Variants in TTLL5 observed in about 807,000 individuals in gnomAD.
The protein encoded by TTLL5 is tubulin polyglutamylase TTLL5.
Under a neutral mutation model 168.4 loss-of-function variants are expected in TTLL5, and 132 were observed. That is an observed-to-expected ratio of 0.78 (90% CI 0.68 to 0.91). The LOEUF (loss-of-function observed/expected upper bound fraction) is 0.91. Among genes scored for constraint, TTLL5 ranks in the 40% least tolerant of loss-of-function variants. TTLL5 has a pLI of 0.00. For missense variants in TTLL5, 1,545 were observed against 1,581.5 expected (o/e 0.98, Z 0.39); for synonymous variants, 546 against 558.6 (o/e 0.98, Z 0.32).
At chr14:75,703,812 C>T (rs1886452804) in intron 7 of TTLL5, among the ~76,000 whole-genome samples, 4 of 152,084 alleles carry the variant, frequency 2.6e-5, no homozygotes, top group Admixed American at 1.3e-4. Context: ...TTTCTCATTG[C>T]TCAACAAGTA....
intron 27 of TTLL5, among the ~76,000 whole-genome samples, chr14:75,819,644 C>G (rs1416147961): frequency 6.6e-6 from 1 of 152,170 alleles, no homozygotes; most frequent in East Asian, 1.9e-4. Flanking sequence ...GCATTTAGAA[C>G]ATTCAGATGA....
chr14:75,718,058 T>C, intron 10 of TTLL5, 96 bp downstream of exon 10: 3 of 1,007,772 alleles, frequency 3.0e-6, no homozygotes, highest in Non-Finnish European at 4.6e-6. Flanking sequence ...GAGGACAACT[T>C]TACATTAATG....
At chr14:75,919,527 G>A (rs992940048) in intron 31 of TTLL5, among the ~76,000 whole-genome samples, 2 of 152,182 alleles carry the variant, frequency 1.3e-5, no homozygotes, top group African/African-American at 4.8e-5. Context: ...AGACTATTCA[G>A]CGGAATAGTC....
chr14:75,739,045 G>C (rs1439599572), intron 15 of TTLL5, among the ~76,000 whole-genome samples: 1 of 152,098 alleles, frequency 6.6e-6, no homozygotes, highest in Non-Finnish European at 1.5e-5. Context: ...GAGCTCAAGC[G>C]ATCTGCCTGC....
intron 12 of TTLL5, among the ~76,000 whole-genome samples, chr14:75,721,860 G>T (rs1050982023): frequency 1.3e-5 from 2 of 152,124 alleles, no homozygotes; most frequent in Non-Finnish European, 2.9e-5. Context: ...GTAAACAAAG[G>T]GAATTGTTGA....
At position 75,790,227 on chromosome 14, in the gene TTLL5, A is replaced by G. The variant is rs1892618268; in HGVS notation, c.2987-2689A>G. 8.5e-5 allele frequency among the ~76,000 whole-genome samples: 13 copies of G among 152,328 alleles called. No individual in the cohort carries two copies. In the South Asian group the frequency reaches 2.7e-3, roughly 32 times the overall value. On this transcript the variant is annotated intron_variant, in intron 26 of 31. Transcript: ENST00000298832. ...TAAAACTTCCATACTGAAATAAAAT[A>G]ATAAAATAAAGGAGACCATCATTAA... is the stretch of plus-strand genomic sequence containing the variant.
At position 75,947,485 on chromosome 14, in the gene TTLL5, G is replaced by T. The variant is rs569904906; in HGVS notation, c.3824-6939G>T. ...ACTTACTTTAACTAGTATATTTAAT[G>T]TTTTTTTCATTTAATAAATACATAT... On this transcript the variant is annotated intron_variant, in intron 31 of 31. Transcript: ENST00000298832. Among the ~76,000 whole-genome samples the T allele has an allele frequency of 1.6e-4, 24 of 152,134 alleles. No homozygotes were observed. The East Asian group carries it at 4.0e-3, about 26-fold the overall frequency.
intron 2 of TTLL5, 102 bp downstream of exon 2, chr14:75,663,325 C>G (rs1890874984): frequency 2.7e-6 from 3 of 1,110,916 alleles, no homozygotes; most frequent in Middle Eastern, 2.9e-4. Flanking sequence ...TACTTATGTA[C>G]TCTTTTATCT....
intron 18 of TTLL5, among the ~76,000 whole-genome samples, chr14:75,760,982 C>T (rs1425753980): frequency 2.6e-5 from 4 of 152,040 alleles, no homozygotes; most frequent in Non-Finnish European, 5.9e-5. Flanking sequence ...ATGCATCAAA[C>T]ATATCTGTCA....
chr14:75,937,831 T>A (rs527899965), intron 31 of TTLL5, among the ~76,000 whole-genome samples: 1 of 152,198 alleles, frequency 6.6e-6, no homozygotes, highest in Non-Finnish European at 1.5e-5. Flanking sequence ...TGTGCAAATA[T>A]ATGTTTGTGT....
chr14:75,679,961 T>A (rs975331683), intron 3 of TTLL5, among the ~76,000 whole-genome samples: 1 of 152,220 alleles, frequency 6.6e-6, no homozygotes, highest in African/African-American at 2.4e-5. Flanking sequence ...CAGCAGAGAT[T>A]TATGAATATC....
At chr14:75,786,826 A>G (rs1232056489) in intron 26 of TTLL5, among the ~76,000 whole-genome samples, 2 of 152,088 alleles carry the variant, frequency 1.3e-5, no homozygotes, top group Non-Finnish European at 2.9e-5. Flanking sequence ...AGCAAGATAA[A>G]TAGAAATTTA....
At chr14:75,907,875 T>G (rs1218752920) in intron 31 of TTLL5, among the ~76,000 whole-genome samples, 1 of 152,224 alleles carries the variant, frequency 6.6e-6, no homozygotes, top group Non-Finnish European at 1.5e-5. Context: ...AGAACAAATG[T>G]GACACCAAGC....
chr14:75,864,317 G>T (rs553380454), intron 29 of TTLL5, among the ~76,000 whole-genome samples: 1 of 152,176 alleles, frequency 6.6e-6, no homozygotes, highest in African/African-American at 2.4e-5. Context: ...TAAATAAGTT[G>T]CAAGTTCTTC....
chr14:75,918,511 T>C (rs1216373888), intron 31 of TTLL5, among the ~76,000 whole-genome samples: 1 of 152,158 alleles, frequency 6.6e-6, no homozygotes, highest in Non-Finnish European at 1.5e-5. Context: ...TACATGGAGT[T>C]GGGGGTCCCT....
At chr14:75,912,042 G>A (rs1273682322) in intron 31 of TTLL5, among the ~76,000 whole-genome samples, 1 of 138,992 alleles carries the variant, frequency 7.2e-6, no homozygotes, top group East Asian at 2.1e-4. Context: ...AGCTTTACTG[G>A]CTGAACAGCA....
chr14:75,786,828 A>G (rs1892391218), intron 26 of TTLL5, among the ~76,000 whole-genome samples: 1 of 152,092 alleles, frequency 6.6e-6, no homozygotes, highest in South Asian at 2.1e-4. Context: ...CAAGATAAAT[A>G]GAAATTTAAA....
At chr14:75,900,763 A>G (rs2032889344) in intron 30 of TTLL5, among the ~76,000 whole-genome samples, 1 of 152,066 alleles carries the variant, frequency 6.6e-6, no homozygotes, top group Admixed American at 6.5e-5. Context: ...TCCTAACTTC[A>G]TGACTCCCTT....
chr14:75,830,773 A>T (rs1242742841), intron 28 of TTLL5, among the ~76,000 whole-genome samples: 1 of 152,206 alleles, frequency 6.6e-6, no homozygotes. Context: ...GGTAAGCAGT[A>T]GGAACTTATT....
Sources: allele counts gnomAD v4.1 joint callset (sites outside exome capture counted in the v4.1 genomes callset), GRCh38; gene constraint gnomAD v4.1.1; transcripts MANE v1.5; gene names NCBI Gene and HGNC (gene_info 2026-07-23, HGNC 2026-07-21).